The following PCDH11X variants were observed in gnomAD, a reference collection of about 807,000 sequenced individuals.
PCDH11X encodes protocadherin-11 X-linked.
PCDH11X carries 18 observed loss-of-function variants against 53.3 expected under a neutral mutation model. That is an observed-to-expected ratio of 0.34 (90% CI 0.23 to 0.50). The LOEUF (loss-of-function observed/expected upper bound fraction) is 0.50. PCDH11X is among the 20% of genes least tolerant of loss of function. The probability of loss-of-function intolerance (pLI) is 0.98; values close to 1 mark genes in which losing one functional copy is unlikely to be tolerated. For synonymous variants in PCDH11X, 279 were observed against 393.3 expected (o/e 0.71, Z 3.44); for missense variants, 570 against 1,032.4 (o/e 0.55, Z 6.14).
At chrX:92,351,375 C>G (rs1183465904) in intron 8 of PCDH11X, among the ~76,000 whole-genome samples, 5 of 111,419 alleles carry the variant, frequency 4.5e-5, no homozygotes, top group Admixed American at 2.9e-4. Flanking sequence ...TGTAAACTAA[C>G]AATATTCAAT....
At chrX:91,973,840 C>A (rs2062008757) in intron 6 of PCDH11X, among the ~76,000 whole-genome samples, 1 of 110,419 alleles carries the variant, frequency 9.1e-6, no homozygotes, top group Admixed American at 9.7e-5. Context: ...GTCTCGAACT[C>A]CTGACCTCAG....
chrX:92,312,915 GT>G (rs1276266213), intron 8 of PCDH11X, among the ~76,000 whole-genome samples: 4 of 111,242 alleles, frequency 3.6e-5, no homozygotes, highest in African/African-American at 1.3e-4. Context: ...TGCCCAGTGT[GT>G]TTTGGGGTCA....
At chrX:92,199,326 C>T (rs942876226) in intron 6 of PCDH11X, among the ~76,000 whole-genome samples, 3 of 111,970 alleles carry the variant, frequency 2.7e-5, no homozygotes, top group Admixed American at 9.5e-5. Context: ...TTAATATGAA[C>T]TGAATTAAAA....
intron 10 of PCDH11X, among the ~76,000 whole-genome samples, chrX:92,573,362 TA>T (rs1473937640): frequency 9.0e-6 from 1 of 111,361 alleles, no homozygotes; most frequent in Non-Finnish European, 1.9e-5. Context: ...CATAATAAAG[TA>T]AAATAGAAAA....
intron 6 of PCDH11X, among the ~76,000 whole-genome samples, chrX:91,957,890 G>A (rs1467365025): frequency 1.4e-4 from 15 of 108,828 alleles, no homozygotes; most frequent in African/African-American, 5.1e-4. Flanking sequence ...AAACCACAAA[G>A]ATGGAGGCCA....
intron 9 of PCDH11X, among the ~76,000 whole-genome samples, chrX:92,434,392 G>GT (rs1377497984): frequency 3.7e-5 from 4 of 109,511 alleles, no homozygotes; most frequent in African/African-American, 1.3e-4. Flanking sequence ...AAGACAAAAT[G>GT]TAAGTATCAG....
Position 92,303,713 on chromosome X carries a change from C to T in PCDH11X, c.3144+40570C>T, listed in dbSNP as rs191406325. Among the ~76,000 whole-genome samples, 62 of 111,824 alleles carry T rather than the reference C, an allele frequency of 5.5e-4. No homozygotes were observed. The East Asian group carries it at 0.017, about 30-fold the overall frequency. The stretch of plus-strand genomic sequence containing the variant: ...TATCTGTCAAACATATGAAATTGAA[C>T]ATCCCATTCTCATTTTAAAAATATC... On this transcript the variant is annotated intron_variant, in intron 8 of 10. Transcript: ENST00000682573.
chrX:92,274,613 G>A (rs1369726729), intron 8 of PCDH11X, among the ~76,000 whole-genome samples: 4 of 110,813 alleles, frequency 3.6e-5, no homozygotes, highest in African/African-American at 6.6e-5. Flanking sequence ...GCAAATCCTC[G>A]AGCTTGATGT....
At chrX:92,605,466 A>G (rs1394423583) in intron 10 of PCDH11X, among the ~76,000 whole-genome samples, 2 of 111,366 alleles carry the variant, frequency 1.8e-5, no homozygotes, top group Non-Finnish European at 3.8e-5. Flanking sequence ...GTTTTACCAC[A>G]AGTAACTAGG....
intron 10 of PCDH11X, among the ~76,000 whole-genome samples, chrX:92,598,565 G>A (rs1925883080): frequency 1.0e-5 from 1 of 96,064 alleles, no homozygotes; most frequent in Non-Finnish European, 2.0e-5. Flanking sequence ...AACTGGAGAG[G>A]GTGTGGAGAA....
At chrX:92,122,855 T>C (rs1372227169) in intron 6 of PCDH11X, among the ~76,000 whole-genome samples, 2 of 110,929 alleles carry the variant, frequency 1.8e-5, no homozygotes, top group East Asian at 2.8e-4. Context: ...GAGAGTTGCT[T>C]GAACCTGGGA....
At chrX:91,971,354 C>T (rs1464503001) in intron 6 of PCDH11X, among the ~76,000 whole-genome samples, 1 of 108,547 alleles carries the variant, frequency 9.2e-6, no homozygotes, top group Non-Finnish European at 1.9e-5. Context: ...GGACACTTGA[C>T]TCTTGTTAAG....
chrX:91,860,879 G>T (rs1336341114), intron 5 of PCDH11X, among the ~76,000 whole-genome samples: 1 of 111,560 alleles, frequency 9.0e-6, no homozygotes, highest in Non-Finnish European at 1.9e-5. Flanking sequence ...ATTTTATTCG[G>T]GATTTTTGTA....
chrX:92,370,204 A>T (rs1156944201), intron 8 of PCDH11X, among the ~76,000 whole-genome samples: 2 of 110,758 alleles, frequency 1.8e-5, no homozygotes, highest in Non-Finnish European at 3.8e-5. Flanking sequence ...TAATTTCCAC[A>T]TATTTCAGAA....
intron 6 of PCDH11X, among the ~76,000 whole-genome samples, chrX:92,029,780 C>T (rs2063019560): frequency 9.0e-6 from 1 of 111,362 alleles, no homozygotes; most frequent in Non-Finnish European, 1.9e-5. Flanking sequence ...AGAAATGTTG[C>T]TTAATGAACA....
rs775412731 is a variant in PCDH11X at position 92,151,949 on chromosome X, C to T, written c.3034-49426C>T. 5.3e-3 allele frequency among the ~76,000 whole-genome samples: 512 copies of T among 96,595 alleles called. 3 individuals are homozygous for T. The highest frequency in any genetic ancestry group is 0.018 in the African/African-American group (481 of 26,445). The allele number at this position is 96,595 out of a possible 115,157, so 83.9% of individuals were successfully genotyped here. ...AATTAAGGATAAGATACTATAGTAA[C>T]TAGAGGAAGAAATAAGAAAACCATA... On this transcript the variant is annotated intron_variant, in intron 6 of 10. Coordinates refer to ENST00000682573, the MANE Select transcript of PCDH11X (RefSeq NM_032968.5).
chrX:92,120,447 C>G (rs1401814490), intron 6 of PCDH11X, among the ~76,000 whole-genome samples: 1 of 112,721 alleles, frequency 8.9e-6, no homozygotes, highest in South Asian at 3.6e-4. Context: ...CGTGCGCCAC[C>G]GCGCCTGGCC....
intron 8 of PCDH11X, among the ~76,000 whole-genome samples, chrX:92,355,082 T>A (rs2148531518): frequency 9.2e-6 from 1 of 108,311 alleles, no homozygotes; most frequent in South Asian, 4.2e-4. Flanking sequence ...ATTCTTGTCA[T>A]CTTTATCTGC....
At chrX:91,966,989 ACCCCCCGACTGG>A (rs1435727611) in intron 6 of PCDH11X, among the ~76,000 whole-genome samples, 2 of 23,516 alleles carry the variant, frequency 8.5e-5, no homozygotes, top group East Asian at 4.0e-3. Context: ...CCCACCCCCC[ACCCCCCGACTGG>A]CCCCAATGTG....
Sources: allele counts gnomAD v4.1 joint callset (sites outside exome capture counted in the v4.1 genomes callset), GRCh38; gene constraint gnomAD v4.1.1; transcripts MANE v1.5; gene names NCBI Gene and HGNC (gene_info 2026-07-23, HGNC 2026-07-21).